The following HIBADH variants were observed in gnomAD, a reference collection of about 807,000 sequenced individuals.
HIBADH encodes the protein 3-hydroxyisobutyrate dehydrogenase.
A neutral mutation model predicts 36.1 loss-of-function variants in HIBADH; 25 were observed. The ratio of observed to expected loss-of-function variants is 0.69; its 90% CI spans 0.50 to 0.97. HIBADH has a LOEUF of 0.97. Ranked by LOEUF, HIBADH falls within the 50% of genes least tolerant of loss-of-function variation. The pLI is 0.00. For synonymous variants in HIBADH, 160 were observed against 149.5 expected (o/e 1.07, Z -0.51); for missense variants, 421 against 418.0 (o/e 1.01, Z -0.06).
At chr7:27,624,498 C>T (rs1026099903) in intron 4 of HIBADH, among the ~76,000 whole-genome samples, 3 of 152,182 alleles carry the variant, frequency 2.0e-5, no homozygotes, top group African/African-American at 7.2e-5. Context: ...TTATTTACTG[C>T]TACATATAAC....
intron 1 of HIBADH, among the ~76,000 whole-genome samples, chr7:27,662,281 C>T (rs1786438609): frequency 6.6e-6 from 1 of 152,142 alleles, no homozygotes; most frequent in Non-Finnish European, 1.5e-5. Context: ...GTGTCCCCAA[C>T]CCAAGGTGCA....
chr7:27,562,294 G>C (rs1438522486), intron 4 of HIBADH, among the ~76,000 whole-genome samples: 1 of 152,066 alleles, frequency 6.6e-6, no homozygotes, highest in African/African-American at 2.4e-5. Context: ...ATCAAATCTT[G>C]ATCTATCTTT....
chr7:27,624,758 G>C (rs1785611726), intron 4 of HIBADH, among the ~76,000 whole-genome samples: 1 of 152,214 alleles, frequency 6.6e-6, no homozygotes, highest in African/African-American at 2.4e-5. Flanking sequence ...GTATGGTCTT[G>C]AGGTAAGTTA....
At chr7:27,622,030 G>C (rs1383511075) in intron 4 of HIBADH, among the ~76,000 whole-genome samples, 1 of 152,094 alleles carries the variant, frequency 6.6e-6, no homozygotes, top group African/African-American at 2.4e-5. Flanking sequence ...CAAGGTAGGA[G>C]GATCACTTGA....
chr7:27,558,472 C>T, intron 4 of HIBADH, among the ~76,000 whole-genome samples: 1 of 152,112 alleles, frequency 6.6e-6, no homozygotes, highest in East Asian at 1.9e-4. Context: ...GGACCACAGA[C>T]AGGCATGACC....
At chr7:27,646,469 G>C (rs1786072714) in intron 2 of HIBADH, among the ~76,000 whole-genome samples, 1 of 152,080 alleles carries the variant, frequency 6.6e-6, no homozygotes, top group Non-Finnish European at 1.5e-5. Flanking sequence ...GTGGATGCCT[G>C]AAACCACAGA....
chr7:27,567,188 AT>A (rs1784558542), intron 4 of HIBADH, among the ~76,000 whole-genome samples: 1 of 151,728 alleles, frequency 6.6e-6, no homozygotes, highest in South Asian at 2.1e-4. Flanking sequence ...GCTAGTTTTT[AT>A]TTCATGTATT....
chr7:27,562,265 A>G (rs1784478616), intron 4 of HIBADH, among the ~76,000 whole-genome samples: 1 of 152,186 alleles, frequency 6.6e-6, no homozygotes, highest in Non-Finnish European at 1.5e-5. Flanking sequence ...TGCATACTTG[A>G]AGTTAAACTG....
At chr7:27,659,964 G>C (rs563594713) in intron 1 of HIBADH, among the ~76,000 whole-genome samples, 168 of 152,318 alleles carry the variant, frequency 1.1e-3, no homozygotes, top group Non-Finnish European at 1.7e-3. Flanking sequence ...AGCTGAGGCG[G>C]AAGATCACTT....
Position 27,629,386 on chromosome 7 carries a change from C to T in HIBADH, c.469G>A (p.Ala157Thr), listed in dbSNP as rs1452704164. 2 of 1,611,246 alleles carry T rather than the reference C, an allele frequency of 1.2e-6. No individual in the cohort carries two copies. The highest frequency in any genetic ancestry group is 3.3e-5 in the Admixed American group (2 of 59,806). ...VEKMGAVFMD[A>T]PVSGGVGAAR... is the part of the protein sequence containing the mutation. ...TACCACTTACCACCAGAAACAGGGGCATCCATGAAAACTGCTCCCATTTTC... is the reference window on the plus strand; with the variant it reads ...TACCACTTACCACCAGAAACAGGGGTATCCATGAAAACTGCTCCCATTTTC... The change falls in exon 4 of 8, where the codon GCC becomes ACC. Residue 157 changes from alanine (A) to threonine (T), a missense_variant. Ala to Thr is a moderately conservative substitution (Grantham distance 58). Coordinates refer to ENST00000265395, the MANE Select transcript of HIBADH (RefSeq NM_152740.4).
chr7:27,558,416 C>T (rs1784423774), intron 4 of HIBADH, among the ~76,000 whole-genome samples: 1 of 152,168 alleles, frequency 6.6e-6, no homozygotes. Context: ...CAACCTCCAA[C>T]TCCCAGGCTC....
chr7:27,564,094 T>C (rs1048855574), intron 4 of HIBADH, among the ~76,000 whole-genome samples: 5 of 152,114 alleles, frequency 3.3e-5, no homozygotes, highest in African/African-American at 4.8e-5. Flanking sequence ...GAGATGGGGT[T>C]TCACCATGTT....
intron 4 of HIBADH, among the ~76,000 whole-genome samples, chr7:27,593,957 A>G (rs1221757078): frequency 6.6e-6 from 1 of 151,422 alleles, no homozygotes; most frequent in African/African-American, 2.4e-5. Flanking sequence ...CGGGAGGCGG[A>G]GCTTGCAGTG....
intron 4 of HIBADH, among the ~76,000 whole-genome samples, chr7:27,628,896 TTTCC>T (rs1785695152): frequency 6.6e-6 from 1 of 152,134 alleles, no homozygotes; most frequent in Non-Finnish European, 1.5e-5. Flanking sequence ...TATTTCCTCT[TTTCC>T]TGTTCTCTGG....
At chr7:27,541,807 T>C (rs1784155856) in intron 5 of HIBADH, 48 of 398,354 alleles carry the variant, frequency 1.2e-4, no homozygotes, top group South Asian at 8.4e-4. Context: ...ATTTTTACTA[T>C]GATACACAAT....
intron 4 of HIBADH, among the ~76,000 whole-genome samples, chr7:27,604,898 T>C (rs1422621904): frequency 1.3e-5 from 2 of 152,098 alleles, no homozygotes; most frequent in Non-Finnish European, 2.9e-5. Flanking sequence ...TTAAAACAGG[T>C]TGTGCACATT....
intron 6 of HIBADH, among the ~76,000 whole-genome samples, chr7:27,531,789 T>C (rs1225141087): frequency 6.6e-6 from 1 of 151,514 alleles, no homozygotes; most frequent in African/African-American, 2.4e-5. Context: ...AAACGATGCA[T>C]CATGGGAGTC....
chr7:27,616,636 A>G (rs772959170), intron 4 of HIBADH, among the ~76,000 whole-genome samples: 5 of 151,680 alleles, frequency 3.3e-5, no homozygotes, highest in Non-Finnish European at 7.4e-5. Flanking sequence ...TGATTTTTCT[A>G]TTTTTTGCAG....
At chr7:27,526,651 C>T (rs1783904635) in intron 7 of HIBADH, among the ~76,000 whole-genome samples, 1 of 152,078 alleles carries the variant, frequency 6.6e-6, no homozygotes, top group African/African-American at 2.4e-5. Flanking sequence ...AAAAATTTCC[C>T]TGTGTAATCT....
Sources: allele counts gnomAD v4.1 joint callset (sites outside exome capture counted in the v4.1 genomes callset), GRCh38; gene constraint gnomAD v4.1.1; transcripts MANE v1.5; gene names NCBI Gene and HGNC (gene_info 2026-07-23, HGNC 2026-07-21).